The following FN3K variants were observed in gnomAD, a reference collection of about 807,000 sequenced individuals.
The protein encoded by FN3K is fructosamine 3 kinase.
In FN3K, 24 loss-of-function variants were observed where a neutral mutation model predicts 24.8. The observed-to-expected ratio is 0.97, with a 90% CI of 0.70 to 1.36. The LOEUF is 1.36. Ranked by LOEUF, FN3K falls within the 40% of genes most tolerant of loss-of-function variation. FN3K has a pLI of 0.00. For synonymous variants in FN3K, 192 were observed against 175.2 expected, an observed-to-expected ratio of 1.10 and a Z score of -0.76; for missense variants, 449 against 416.7, an observed-to-expected ratio of 1.08 and a Z score of -0.67.
chr17:82,742,292 C>T lies in FN3K; in HGVS notation c.468+899C>T, dbSNP rs1439168255. Reference sequence around the variant, plus strand: ...CCAACCTCAGGTGATCCACCCACCTCGGCCTCCCAAAGTGCTGGGATTACA... The same window carrying T: ...CCAACCTCAGGTGATCCACCCACCTTGGCCTCCCAAAGTGCTGGGATTACA... On this transcript the variant is annotated intron_variant, in intron 4 of 5. Transcript: ENST00000300784. Among the ~76,000 whole-genome samples the T allele has an allele frequency of 5.3e-5, 8 of 152,164 alleles. No individual in the cohort carries two copies. The East Asian group carries it at 5.8e-4, about 11-fold the overall frequency.
chr17:82,735,706 T>C lies in FN3K; in HGVS notation c.70T>C (p.Cys24Arg). 6.5e-7 allele frequency: 1 copy of C among 1,549,062 alleles called. No individual in the cohort carries two copies. The stretch of plus-strand genomic sequence containing the variant: ...GGCCTTCGGCGGCCCCGGCGCCGGC[T>C]GCATCAGCGAGGGCCGAGCCTACGA... ...LRAFGGPGAG[C>R]ISEGRAYDTD... Residue 24 changes from cysteine to arginine, a missense_variant, in exon 1 of 6, where the codon TGC (cysteine) becomes CGC (arginine). Physicochemically the swap from Cys to Arg is radical, Grantham distance 180. Transcript: ENST00000300784.
chr17:82,738,588 G>A lies in FN3K; in HGVS notation c.241G>A (p.Gly81Arg). The A allele has an allele frequency of 6.2e-7, 1 of 1,614,098 alleles. No homozygotes were observed. The highest frequency in any genetic ancestry group is 2.2e-5 in the East Asian group (1 of 44,890). ...GCCCATGAAGGTCATCGACCTGCCG[G>A]GAGGTGGGGCCGCCTTTGTGATGGA... ...PRPMKVIDLP[G>R]GGAAFVMEHL... The change falls in exon 2 of 6, where the codon GGA (glycine) becomes AGA (arginine). Residue 81 changes from glycine (G) to arginine (R), a missense_variant. Coordinates refer to ENST00000300784, the MANE Select transcript of FN3K (RefSeq NM_022158.4).
At chr17:82,741,194 C>T (rs183075917) in intron 3 of FN3K, 117 bp from the exon 4 acceptor site, 1 of 897,852 alleles carries the variant, frequency 1.1e-6, no homozygotes, top group Non-Finnish European at 1.8e-6. Context: ...TGTAGTACAT[C>T]CTCAGACCAC....
At chr17:82,750,230 G>GA (rs902429298) in intron 5 of FN3K, among the ~76,000 whole-genome samples, 187 bp from the exon 6 acceptor site, 19 of 152,180 alleles carry the variant, frequency 1.2e-4, no homozygotes, top group African/African-American at 4.6e-4. Context: ...AAATTAGGAG[G>GA]AAATCCTAAG....
rs1167957601 is a variant in FN3K, at chr17:82,738,938, ATATATATATT to A, written c.293+300_293+309del. ...TATATATATACACATATATATATAT[ATATATATATT>A]TTTTTTTTTTTTGAAACACAGTCTC... is the stretch of plus-strand genomic sequence containing the variant. On this transcript the variant is annotated intron_variant, in intron 2 of 5. Coordinates refer to ENST00000300784, the MANE Select transcript of FN3K (RefSeq NM_022158.4). 1.1e-4 allele frequency among the ~76,000 whole-genome samples: 11 copies of A among 101,772 alleles called. 3 individuals carry two copies. Among genetic ancestry groups the A allele is most frequent in the African/African-American group, 4.5e-4 (11 of 24,708 alleles). 66.8% of individuals were successfully genotyped at this position (101,772 alleles called of 152,430 possible). A position where few individuals can be genotyped will look rare whatever the true frequency, so the allele number is the denominator to read the frequency against.
At chr17:82,742,508 A>G in intron 4 of FN3K, 1 of 342,750 alleles carries the variant, frequency 2.9e-6, no homozygotes, top group Non-Finnish European at 5.7e-6. Context: ...TTCATTCAGC[A>G]TCATGTTTCA....
chr17:82,745,953 G>A (rs866426385), intron 4 of FN3K, among the ~76,000 whole-genome samples: 9 of 152,032 alleles, frequency 5.9e-5, no homozygotes, highest in Non-Finnish European at 7.4e-5. Flanking sequence ...AATTAACAGG[G>A]CATGGTGGCG....
rs1439221026 is a variant in FN3K at position 82,738,483 on chromosome 17, A to G, written c.142-6A>G. ...CAAGGCTGACAAGGCTGTGTTCTGG[A>G]TGCAGGCCCGGCAGATGTTTGAGGG... On this transcript the variant is annotated splice_polypyrimidine_tract_variant and splice_region_variant and intron_variant, in intron 1 of 5. Coordinates refer to ENST00000300784, the MANE Select transcript of FN3K (RefSeq NM_022158.4). 2 of 1,611,930 alleles carry G rather than the reference A, an allele frequency of 1.2e-6. No individual in the cohort carries two copies. Among genetic ancestry groups the G allele is most frequent in the Admixed American group, 3.3e-5 (2 of 60,008 alleles).
At chr17:82,741,111 C>G (rs2046938782) in intron 3 of FN3K, 200 bp from the exon 4 acceptor site, 1 of 679,292 alleles carries the variant, frequency 1.5e-6, no homozygotes, top group Admixed American at 2.1e-5. Context: ...CCTTTTATAC[C>G]CAGCCCTGCT....
At chr17:82,746,690 C>G (rs912453950) in intron 4 of FN3K, among the ~76,000 whole-genome samples, 14 of 152,002 alleles carry the variant, frequency 9.2e-5, no homozygotes, top group Admixed American at 9.2e-4. Flanking sequence ...GTAATTCCAG[C>G]TACTCGAAAG....
At chr17:82,743,183 C>A (rs996866319) in intron 4 of FN3K, among the ~76,000 whole-genome samples, 2 of 152,204 alleles carry the variant, frequency 1.3e-5, no homozygotes, top group African/African-American at 4.8e-5. Context: ...ATGCTGAGGT[C>A]AAGGGCTGCA....
chr17:82,750,508 T>TG lies in FN3K; in HGVS notation c.687dup (p.Pro230AlafsTer16). 6.2e-7 allele frequency: 1 copy of TG among 1,614,144 alleles called. No homozygotes were observed. The highest frequency in any genetic ancestry group is 8.5e-7 in the Non-Finnish European group (1 of 1,180,010). ...TCGGGAAACGTGGCTGAGGACGACG[T>TG]GGGGCCCATTATTTACGACCCGGCT... On this transcript the variant is annotated frameshift_variant, in exon 6 of 6. Transcript: ENST00000300784. LOFTEE classifies it low-confidence loss of function (END_TRUNC).
chr17:82,751,111 C>T lies in FN3K; in HGVS notation c.*356C>T. ...CCGTCCCCCCGTCCCCGTCCCCCGTCCCCGTCCCCCCTGTCCCTGTCCCCC... is the reference window on the plus strand; with the variant it reads ...CCGTCCCCCCGTCCCCGTCCCCCGTTCCCGTCCCCCCTGTCCCTGTCCCCC... On this transcript the variant is annotated 3_prime_UTR_variant, in exon 6 of 6. Coordinates refer to ENST00000300784, the MANE Select transcript of FN3K (RefSeq NM_022158.4). 1.9e-5 allele frequency: 1 copy of T among 53,544 alleles called. No individual in the cohort carries two copies. The highest frequency in any genetic ancestry group is 4.3e-3 in the Middle Eastern group (1 of 232). The allele number at this position is 53,544 out of a possible 1,614,324, so 3.3% of individuals were successfully genotyped here. A position where few individuals can be genotyped will look rare whatever the true frequency, so the allele number is the denominator to read the frequency against.
At chr17:82,739,488 C>T (rs141248118) in intron 2 of FN3K, among the ~76,000 whole-genome samples, 17,501 of 139,904 alleles carry the variant, frequency 0.13, 1,394 homozygotes, top group Non-Finnish European at 0.17. Flanking sequence ...GACGGAGTGT[C>T]GCTCTGTCAC....
Position 82,750,735 on chromosome 17 carries a change from A to G in FN3K, c.910A>G (p.Met304Val). 6.2e-7 allele frequency: 1 copy of G among 1,613,048 alleles called. No homozygotes were observed. The highest frequency in any genetic ancestry group is 8.5e-7 in the Non-Finnish European group (1 of 1,179,872). ...GTACAGGAGCCCTTCCTTGGGCACC[A>G]TGCGAAGGCTGCTCAAGTAGCGGCC... Reference protein sequence around the residue: ...REYRSPSLGTMRRLLK With the variant: ...REYRSPSLGTVRRLLK The change falls in exon 6 of 6, where the codon ATG becomes GTG. Residue 304 changes from methionine (M) to valine (V), a missense_variant. Met to Val is a conservative substitution (Grantham distance 21). Transcript: ENST00000300784.
intron 4 of FN3K, among the ~76,000 whole-genome samples, chr17:82,744,795 A>G (rs1006387439): frequency 1.3e-5 from 2 of 152,204 alleles, no homozygotes; most frequent in Non-Finnish European, 2.9e-5. Flanking sequence ...CATGTGAACA[A>G]AGGTCTTTGC....
chr17:82,747,622 A>C (rs1473773950), intron 4 of FN3K, among the ~76,000 whole-genome samples: 1 of 152,042 alleles, frequency 6.6e-6, no homozygotes, highest in African/African-American at 2.4e-5. Flanking sequence ...GATGGTTTTG[A>C]TCTCTTGACC....
rs1368202774 is a variant in FN3K at position 82,750,569 on chromosome 17, C to T, written c.744C>T (p.Ile248=). 6 of 1,614,164 alleles carry T rather than the reference C, an allele frequency of 3.7e-6. No homozygotes were observed. In the South Asian group the frequency reaches 5.5e-5, roughly 15 times the overall value. The change falls in exon 6 of 6, where the codon ATC becomes ATT. Residue 248 remains isoleucine, a synonymous_variant. Transcript: ENST00000300784. ...GCCATTCCGAGTTTGAACTGGCAAT[C>T]GCCTTGATGTTTGGGGGGTTCCCCA... ...FYGHSEFELA[I]ALMFGGFPRS...
In FN3K at chr17:82,735,680, G is replaced by T; in HGVS notation, c.44G>T (p.Arg15Leu). ...GCCGAGCTGCGCACCGCGACCCTGC[G>T]GGCCTTCGGCGGCCCCGGCGCCGGC... ...LRAELRTATLRAFGGPGAGCI... is the reference protein window; with the variant it reads ...LRAELRTATLLAFGGPGAGCI... The change falls in exon 1 of 6, where the codon CGG (arginine) becomes CTG (leucine). Residue 15 changes from arginine (R) to leucine (L), a missense_variant. Coordinates refer to ENST00000300784, the MANE Select transcript of FN3K (RefSeq NM_022158.4). 6.5e-7 allele frequency: 1 copy of T among 1,540,878 alleles called. No individual in the cohort carries two copies.
Sources: allele counts gnomAD v4.1 joint callset (sites outside exome capture counted in the v4.1 genomes callset), GRCh38; gene constraint gnomAD v4.1.1; transcripts MANE v1.5; gene names NCBI Gene and HGNC (gene_info 2026-07-23, HGNC 2026-07-21).